The following OVCH1 variants were observed in gnomAD, a reference collection of about 807,000 sequenced individuals.
The protein encoded by OVCH1 is ovochymase-1.
OVCH1 carries 139 observed loss-of-function variants against 138.4 expected under a neutral mutation model. The ratio of observed to expected loss-of-function variants is 1.00; its 90% CI spans 0.87 to 1.16. The LOEUF (loss-of-function observed/expected upper bound fraction) is 1.16. OVCH1 is among the 50% of genes most tolerant of loss of function. The probability of loss-of-function intolerance (pLI) is 0.00; values close to 1 mark genes in which losing one functional copy is unlikely to be tolerated. For missense variants in OVCH1, 1,367 were observed against 1,357.9 expected (o/e 1.01, Z -0.11); for synonymous variants, 453 against 467.8 (o/e 0.97, Z 0.41).
chr12:29,447,160 T>C (rs898376340), intron 22 of OVCH1, among the ~76,000 whole-genome samples: 3 of 151,928 alleles, frequency 2.0e-5, no homozygotes, highest in African/African-American at 4.8e-5. Flanking sequence ...CAAAAGATAA[T>C]GGCAATTAGT....
chr12:29,471,732 G>A, intron 16 of OVCH1, 70 bp downstream of exon 16: 2 of 1,458,218 alleles, frequency 1.4e-6, no homozygotes, highest in Non-Finnish European at 9.2e-7. Context: ...TTAGTAGTCA[G>A]CCTTGTGTCC....
chr12:29,475,279 CTACT>C lies in OVCH1; in HGVS notation c.1472-94_1472-91del, dbSNP rs569305110. 656 of 1,101,632 alleles carry C rather than the reference CTACT, an allele frequency of 6.0e-4. 2 individuals carry two copies. In the African/African-American group the frequency reaches 9.9e-3, roughly 17 times the overall value. The allele number at this position is 1,101,632 out of a possible 1,614,324, so 68.2% of individuals were successfully genotyped here. A position where few individuals can be genotyped will look rare whatever the true frequency, so the allele number is the denominator to read the frequency against. On this transcript the variant is annotated intron_variant, in intron 13 of 27. Transcript: ENST00000318184. ...AATAATCACCCAATTTTCTAATCAA[CTACT>C]TTAGTTTTCTCCAACTTTGATTTGT...
chr12:29,497,135 G>T (rs1943439634), intron 1 of OVCH1, among the ~76,000 whole-genome samples: 1 of 152,114 alleles, frequency 6.6e-6, no homozygotes, highest in African/African-American at 2.4e-5. Context: ...CAAGTGTGGT[G>T]GTACGTGCCT....
chr12:29,407,378 G>C, the OVCH1 span, among the ~76,000 whole-genome samples: 1 of 144,144 alleles, frequency 6.9e-6, no homozygotes, highest in African/African-American at 2.4e-5. Context: ...TGAAGTCCTT[G>C]CCCATGCCTA....
chr12:29,455,013 CAAAAGAAACAA>C (rs991245867), intron 20 of OVCH1, 80 bp from the exon 21 acceptor site: 144 of 1,270,488 alleles, frequency 1.1e-4, no homozygotes, highest in Non-Finnish European at 1.5e-4. Context: ...CAGCCACTAT[CAAAAGAAACAA>C]AAAAGAAACA....
At chr12:29,495,148 C>A (rs748711255) in intron 4 of OVCH1, 137 bp downstream of exon 4, 3 of 885,188 alleles carry the variant, frequency 3.4e-6, no homozygotes, top group East Asian at 2.5e-5. Context: ...GGTTATAGAC[C>A]GAACAAAATT....
At chr12:29,437,569 G>A (rs1296554417) in intron 26 of OVCH1, among the ~76,000 whole-genome samples, 1 of 152,154 alleles carries the variant, frequency 6.6e-6, no homozygotes, top group African/African-American at 2.4e-5. Context: ...GTAGTTTGCT[G>A]TAACACTCAT....
chr12:29,439,789 C>T (rs540193651), intron 25 of OVCH1, among the ~76,000 whole-genome samples, 64 bp downstream of exon 26: 218 of 152,294 alleles, frequency 1.4e-3, no homozygotes, highest in African/African-American at 4.9e-3. Flanking sequence ...GAGGTTCCCA[C>T]GATCCCCTCC....
chr12:29,461,746 GA>G (rs1316992172), intron 19 of OVCH1, 107 bp downstream of exon 19: 16 of 1,353,322 alleles, frequency 1.2e-5, no homozygotes, highest in Non-Finnish European at 1.7e-5. Context: ...ATATGATATT[GA>G]AGCACGTGAC....
chr12:29,436,611 G>A (rs1028029828), intron 26 of OVCH1, among the ~76,000 whole-genome samples: 12 of 152,296 alleles, frequency 7.9e-5, no homozygotes, highest in African/African-American at 2.9e-4. Flanking sequence ...TAAAGATGGC[G>A]TGTCTAGAGT....
chr12:29,496,127 C>A, intron 3 of OVCH1, 54 bp downstream of exon 3: 1 of 1,469,774 alleles, frequency 6.8e-7, no homozygotes, highest in African/African-American at 1.4e-5. Flanking sequence ...ACAAATCTGC[C>A]AGTCGCATAG....
intron 16 of OVCH1, among the ~76,000 whole-genome samples, chr12:29,469,152 G>GA (rs908442466): frequency 2.0e-5 from 3 of 152,110 alleles, no homozygotes; most frequent in Non-Finnish European, 2.9e-5. Flanking sequence ...TGGAAAGGGG[G>GA]AAAAATGTAA....
At chr12:29,481,283 A>T (rs1942924180) in intron 8 of OVCH1, among the ~76,000 whole-genome samples, 1 of 152,160 alleles carries the variant, frequency 6.6e-6, no homozygotes, top group Middle Eastern at 3.4e-3. Flanking sequence ...CCTTATATGA[A>T]CCTATCTTAG....
intron 6 of OVCH1, among the ~76,000 whole-genome samples, chr12:29,488,859 A>T (rs544498677): frequency 6.6e-6 from 1 of 152,156 alleles, no homozygotes; most frequent in African/African-American, 2.4e-5. Context: ...CCTTTAGCCT[A>T]TCTGTTTTCC....
chr12:29,487,623 A>G, intron 7 of OVCH1, 70 bp downstream of exon 7: 2 of 1,398,918 alleles, frequency 1.4e-6, no homozygotes, highest in Non-Finnish European at 1.9e-6. Context: ...CTTAGTTCTG[A>G]TAATATCGCA....
At chr12:29,416,303 G>A (rs1004030945) in intron 3 of OVCH1, among the ~76,000 whole-genome samples, 7 of 151,366 alleles carry the variant, frequency 4.6e-5, no homozygotes, top group Admixed American at 2.6e-4. Flanking sequence ...TTTTTTGAAC[G>A]GAGCAATTGG....
At chr12:29,485,496 C>T (rs1196656685) in intron 8 of OVCH1, among the ~76,000 whole-genome samples, 2 of 151,462 alleles carry the variant, frequency 1.3e-5, no homozygotes, top group African/African-American at 2.4e-5. Context: ...CAAAAATTGC[C>T]GGGCACAGTG....
intron 14 of OVCH1, among the ~76,000 whole-genome samples, chr12:29,474,100 CACACAT>C (rs1208670892): frequency 3.3e-5 from 5 of 149,632 alleles, no homozygotes; most frequent in African/African-American, 1.0e-4. Flanking sequence ...CACACACACA[CACACAT>C]ATATATATCT....
chr12:29,435,305 G>T (rs910673342), intron 26 of OVCH1, among the ~76,000 whole-genome samples: 1 of 151,972 alleles, frequency 6.6e-6, no homozygotes, highest in Non-Finnish European at 1.5e-5. Flanking sequence ...AATACACTAC[G>T]ATCATATCTA....
Sources: allele counts gnomAD v4.1 joint callset (sites outside exome capture counted in the v4.1 genomes callset), GRCh38; gene constraint gnomAD v4.1.1; transcripts MANE v1.5; gene names NCBI Gene and HGNC (gene_info 2026-07-23, HGNC 2026-07-21).